IFRD1: variants seen among roughly 807,000 people sequenced by gnomAD.
The protein encoded by IFRD1 is interferon related developmental regulator 1, also known as interferon-related developmental regulator 1.
In IFRD1, 35 loss-of-function variants were observed where a neutral mutation model predicts 52.9. The observed-to-expected ratio is 0.66, with a 90% CI of 0.51 to 0.88. IFRD1 has a LOEUF of 0.88. IFRD1 is among the 40% of genes least tolerant of loss of function. The pLI is 0.00. For missense variants in IFRD1, 517 were observed against 550.8 expected, an observed-to-expected ratio of 0.94 and a Z score of 0.61; for synonymous variants, 184 against 188.4, an observed-to-expected ratio of 0.98 and a Z score of 0.19.
chr7:112,455,935 A>AAAGTATACTATTT, intron 2 of IFRD1, 67 bp from the exon 3 acceptor site: 2 of 1,437,282 alleles, frequency 1.4e-6, no homozygotes, highest in Non-Finnish European at 2.0e-6. Flanking sequence ...TCTTGTAGCT[A>AAAGTATACTATTT]AAGTATACTA....
chr7:112,461,842 ATATATATATATT>A lies in IFRD1; in HGVS notation c.568-22_568-11del. 8.2e-7 allele frequency: 1 copy of A among 1,219,742 alleles called. No homozygotes were observed. The highest frequency in any genetic ancestry group is 1.2e-6 in the Non-Finnish European group (1 of 850,458). The allele number at this position is 1,219,742 out of a possible 1,614,324, so 75.6% of individuals were successfully genotyped here. A position where few individuals can be genotyped will look rare whatever the true frequency, so the allele number is the denominator to read the frequency against. ...ATAAGAAATAAAATCATTAATGTCT[ATATATATATATT>A]TTTTTTTTTAGTGTGCAACTTGCTT... On this transcript the variant is annotated splice_polypyrimidine_tract_variant and intron_variant, in intron 5 of 11. Coordinates refer to ENST00000403825, the MANE Select transcript of IFRD1 (RefSeq NM_001550.4).
intron 1 of IFRD1, among the ~76,000 whole-genome samples, chr7:112,431,576 C>G (rs1794548577): frequency 6.6e-6 from 1 of 152,198 alleles, no homozygotes; most frequent in Non-Finnish European, 1.5e-5. Context: ...ATGCAGTCCT[C>G]CTTCCCATCC....
At chr7:112,469,231 C>A (rs754421203) in intron 9 of IFRD1, among the ~76,000 whole-genome samples, 1 of 151,876 alleles carries the variant, frequency 6.6e-6, no homozygotes, top group Non-Finnish European at 1.5e-5. Flanking sequence ...ATGGTGAGAC[C>A]CCACCCCAGA....
chr7:112,450,836 T>C (rs1795140536), intron 1 of IFRD1, 54 bp downstream of exon 1: 2 of 1,231,566 alleles, frequency 1.6e-6, no homozygotes, highest in Non-Finnish European at 1.2e-6. Flanking sequence ...CTGGCGAGTC[T>C]TCCATGCTTC....
chr7:112,475,356 C>G, intron 11 of IFRD1, 74 bp from the exon 12 acceptor site: 1 of 824,828 alleles, frequency 1.2e-6, no homozygotes, highest in East Asian at 2.5e-5. Flanking sequence ...TTCTTTGTGA[C>G]TTTTACCCTT....
chr7:112,440,615 A>C (rs1018905654), intron 1 of IFRD1, among the ~76,000 whole-genome samples: 3 of 152,150 alleles, frequency 2.0e-5, no homozygotes, highest in Admixed American at 1.3e-4. Flanking sequence ...AGGTGCTAAC[A>C]TGCCTCCAAA....
chr7:112,473,865 C>T (rs1795826439), intron 11 of IFRD1, among the ~76,000 whole-genome samples: 1 of 152,186 alleles, frequency 6.6e-6, no homozygotes, highest in South Asian at 2.1e-4. Context: ...AACATTATCA[C>T]CTCAAAAGAA....
At chr7:112,473,887 C>G (rs942471769) in intron 11 of IFRD1, among the ~76,000 whole-genome samples, 1 of 152,164 alleles carries the variant, frequency 6.6e-6, no homozygotes, top group Non-Finnish European at 1.5e-5. Flanking sequence ...ACCTTCTGTT[C>G]ATTAGCAGTC....
At chr7:112,433,978 C>T (rs1366150323) in intron 1 of IFRD1, among the ~76,000 whole-genome samples, 1 of 145,816 alleles carries the variant, frequency 6.9e-6, no homozygotes, top group Admixed American at 6.9e-5. Flanking sequence ...AGCCACCACG[C>T]CCAGCTAATT....
intron 1 of IFRD1, among the ~76,000 whole-genome samples, chr7:112,437,920 C>A (rs1794749539): frequency 6.6e-6 from 1 of 152,044 alleles, no homozygotes; most frequent in Admixed American, 6.6e-5. Flanking sequence ...GTTTAGCATG[C>A]TGAATGAGGT....
chr7:112,472,829 C>A lies in IFRD1; in HGVS notation c.1234C>A (p.Leu412Ile), dbSNP rs760074772. The A allele has an allele frequency of 6.2e-7, 1 of 1,613,380 alleles. No homozygotes were observed. Among genetic ancestry groups the A allele is most frequent in the Non-Finnish European group, 8.5e-7 (1 of 1,179,324 alleles). Reference protein sequence around the residue: ...GPPVMLDAATLKTMKISRFER... With the variant: ...GPPVMLDAATIKTMKISRFER... The stretch of plus-strand genomic sequence containing the variant: ...CCCAGTGATGCTTGATGCTGCAACG[C>A]TTAAAACGATGAAGATTTCTCGTTT... Residue 412 changes from leucine to isoleucine, a missense_variant, in exon 11 of 12, where the codon CTT (leucine) becomes ATT (isoleucine). Transcript: ENST00000403825.
intron 8 of IFRD1, among the ~76,000 whole-genome samples, chr7:112,466,521 A>G (rs1403440905): frequency 6.6e-6 from 1 of 152,078 alleles, no homozygotes; most frequent in Non-Finnish European, 1.5e-5. Flanking sequence ...GCTTCTCCCC[A>G]CTAGGTGCCG....
At chr7:112,445,293 C>T (rs1041524406) in intron 1 of IFRD1, among the ~76,000 whole-genome samples, 1 of 152,014 alleles carries the variant, frequency 6.6e-6, no homozygotes, top group African/African-American at 2.4e-5. Flanking sequence ...GTCTCGATCT[C>T]CTGACCTTGT....
chr7:112,435,634 G>GTGTC (rs1159436569), intron 1 of IFRD1: 1 of 149,300 alleles, frequency 6.7e-6, no homozygotes, highest in African/African-American at 2.5e-5. Flanking sequence ...GTGTGTGTGT[G>GTGTC]TGTGTGTGTG....
intron 1 of IFRD1, chr7:112,435,655 T>TGTGTGTGTGTGTGTGTGTGTGTGTGC (rs775779479): frequency 5.3e-4 from 79 of 149,124 alleles, no homozygotes; most frequent in Admixed American, 8.7e-4. Context: ...TGTGTGTGTG[T>TGTGTGTGTGTGTGTGTGTGTGTGTGC]GCGTGCTTGT....
upstream of IFRD1, among the ~76,000 whole-genome samples, chr7:112,447,639 T>C (rs1467280077): frequency 6.6e-6 from 1 of 152,254 alleles, no homozygotes; most frequent in Non-Finnish European, 1.5e-5. Flanking sequence ...CTTTTTCCTG[T>C]TCCCTTTCGT....
rs530716855 is a variant in IFRD1, at chr7:112,475,321, A to T, written c.1267-109A>T. On this transcript the variant is annotated intron_variant, in intron 11 of 11. Coordinates refer to ENST00000403825, the MANE Select transcript of IFRD1 (RefSeq NM_001550.4). ...GTGTTTTATAAACATTTAAATGTTT[A>T]TAGGGTCAAATTAGTTCATTTCTTT... The T allele has an allele frequency of 8.6e-6, 6 of 695,476 alleles. No homozygotes were observed. In the East Asian group the frequency reaches 1.6e-4, roughly 19 times the overall value. 43.1% of individuals were successfully genotyped at this position (695,476 alleles called of 1,614,324 possible).
chr7:112,472,125 C>A, intron 9 of IFRD1, 94 bp from the exon 10 acceptor site: 1 of 1,256,754 alleles, frequency 8.0e-7, no homozygotes, highest in Non-Finnish European at 1.2e-6. Context: ...TCATTTATCT[C>A]AGCATGTATA....
At chr7:112,460,247 T>TG (rs1298293292) in intron 5 of IFRD1, among the ~76,000 whole-genome samples, 31 of 141,556 alleles carry the variant, frequency 2.2e-4, no homozygotes, top group African/African-American at 7.7e-4. Context: ...TAGGGTTTTT[T>TG]TTTTTTTTTT....
Sources: allele counts gnomAD v4.1 joint callset (sites outside exome capture counted in the v4.1 genomes callset), GRCh38; gene constraint gnomAD v4.1.1; transcripts MANE v1.5; gene names NCBI Gene and HGNC (gene_info 2026-07-23, HGNC 2026-07-21).